The following DHX29 variants were observed in gnomAD, a reference collection of about 807,000 sequenced individuals.
DHX29 encodes the protein DExH-box helicase 29.
DHX29 carries 79 observed loss-of-function variants against 167.9 expected under a neutral mutation model. The observed-to-expected ratio is 0.47, with a 90% confidence interval of 0.39 to 0.57. The LOEUF (loss-of-function observed/expected upper bound fraction) is 0.57, where lower values mean the gene tolerates loss of function less well. Ranked by LOEUF, DHX29 falls within the 20% of genes least tolerant of loss-of-function variation. The pLI is 0.00. For synonymous variants in DHX29, 530 were observed against 546.0 expected, an observed-to-expected ratio of 0.97 and a Z score of 0.41; for missense variants, 1,347 against 1,593.4, an observed-to-expected ratio of 0.85 and a Z score of 2.63.
In DHX29 at chr5:55,294,115, T is replaced by C. The variant is rs761868783; in HGVS notation, c.682A>G (p.Asn228Asp). The C allele has an allele frequency of 5.6e-6, 9 of 1,598,400 alleles. No individual in the cohort carries two copies. The East Asian group carries it at 1.8e-4, about 32-fold the overall frequency. Residue 228 changes from asparagine (N) to aspartate (D), a missense_variant, in exon 6 of 27, where the codon AAT becomes GAT. Around this residue, in one of 3 missense-constraint regions of DHX29, gnomAD observed 405 missense variants for 416.8 expected, o/e 0.97. Transcript: ENST00000251636. ...TATCGTAAAATCCACTCTTTCATAT[T>C]TACTTCCATATTTTTTTCTTCCTTT... is the stretch of plus-strand genomic sequence containing the variant. ...PKKEEKNMEV[N>D]MKEWILRYAE...
intron 8 of DHX29, among the ~76,000 whole-genome samples, chr5:55,287,221 A>G (rs1747779323): frequency 6.6e-6 from 1 of 152,204 alleles, no homozygotes; most frequent in African/African-American, 2.4e-5. Context: ...TGGGTGGATC[A>G]CCTGAGGTCA....
At position 55,256,442 on chromosome 5, in the gene DHX29, G is replaced by A. The variant is rs770420860; in HGVS notation, c.*46C>T. On this transcript the variant is annotated 3_prime_UTR_variant, in exon 27 of 27. Transcript: ENST00000251636. ...CCCATTTTCAGATAATTTCATGACT[G>A]TATCTTCATCTTAATTTTTAAAGCA... 4.6e-6 allele frequency: 7 copies of A among 1,506,558 alleles called. No individual in the cohort carries two copies. The highest frequency in any genetic ancestry group is 1.4e-5 in the African/African-American group (1 of 70,382). 93.3% of individuals were successfully genotyped at this position (1,506,558 alleles called of 1,614,324 possible). A position where few individuals can be genotyped will look rare whatever the true frequency, so the allele number is the denominator to read the frequency against.
At chr5:55,257,179 A>G (rs1224610670) in intron 26 of DHX29, among the ~76,000 whole-genome samples, 1 of 152,218 alleles carries the variant, frequency 6.6e-6, no homozygotes, top group Non-Finnish European at 1.5e-5. Context: ...AACTGCTTCT[A>G]CTTAATAGTT....
rs1747156929 is a variant in DHX29 at position 55,277,194 on chromosome 5, A to G, written c.2198T>C (p.Met733Thr). 6.2e-7 allele frequency: 1 copy of G among 1,612,014 alleles called. No homozygotes were observed. The highest frequency in any genetic ancestry group is 8.5e-7 in the Non-Finnish European group (1 of 1,178,300). ...QKRSDLHLIL[M>T]SATVDSEKFS... ...TTTTTCGCTGTCCACAGTGGCACTC[A>G]TTAGAATCAAGTGTAGATCAGAACG... Residue 733 changes from methionine to threonine, a missense_variant, in exon 13 of 27, where the codon ATG becomes ACG. This residue lies in a region of DHX29 where 882 missense variants were observed against 1,082.4 expected (regional missense o/e 0.81). Coordinates refer to ENST00000251636, the MANE Select transcript of DHX29 (RefSeq NM_019030.4).
intron 5 of DHX29, 91 bp from the exon 6 acceptor site, chr5:55,294,236 A>C: frequency 7.9e-7 from 1 of 1,273,122 alleles, no homozygotes; most frequent in Non-Finnish European, 1.1e-6. Context: ...CCTCACACTC[A>C]AAAGCAGCAG....
rs759628164 is a variant in DHX29 at position 55,307,379 on chromosome 5, T to C, written c.187+8A>G. ...GCAGACAGCCAGGGGCTGGGGGACCTCTCGTACCTTGCTTGACACGGGGCT... is the reference window on the plus strand; with the variant it reads ...GCAGACAGCCAGGGGCTGGGGGACCCCTCGTACCTTGCTTGACACGGGGCT... On this transcript the variant is annotated splice_region_variant and intron_variant, in intron 1 of 26. Coordinates refer to ENST00000251636, the MANE Select transcript of DHX29 (RefSeq NM_019030.4). 1.5e-5 allele frequency: 24 copies of C among 1,611,314 alleles called. 1 individual carries two copies. In the South Asian group the frequency reaches 2.2e-4, roughly 15 times the overall value.
chr5:55,276,514 T>C (rs1183515620), intron 13 of DHX29, 108 bp from the exon 14 acceptor site: 2 of 896,266 alleles, frequency 2.2e-6, no homozygotes, highest in South Asian at 1.8e-5. Context: ...AATGTTAATT[T>C]AGAATATTAT....
intron 1 of DHX29, among the ~76,000 whole-genome samples, chr5:55,302,898 TTTTGTG>T (rs1196504456): frequency 6.6e-6 from 1 of 152,164 alleles, no homozygotes; most frequent in Non-Finnish European, 1.5e-5. Context: ...CAATTTTTGG[TTTTGTG>T]TTTAAGATGG....
At chr5:55,268,508 T>A (rs1040664736) in intron 21 of DHX29, among the ~76,000 whole-genome samples, 2 of 152,138 alleles carry the variant, frequency 1.3e-5, no homozygotes, top group Admixed American at 1.3e-4. Flanking sequence ...CACTGCCCCC[T>A]CCTACTCCGG....
At position 55,299,034 on chromosome 5, in the gene DHX29, C is replaced by T. The variant is rs866243672; in HGVS notation, c.188-370G>A. 1.2e-3 allele frequency among the ~76,000 whole-genome samples: 103 copies of T among 84,596 alleles called. No individual in the cohort carries two copies. In the Middle Eastern group the frequency reaches 0.025, roughly 20 times the overall value. 55.5% of individuals were successfully genotyped at this position (84,596 alleles called of 152,430 possible). A position where few individuals can be genotyped will look rare whatever the true frequency, so the allele number is the denominator to read the frequency against. On this transcript the variant is annotated intron_variant, in intron 1 of 26. Coordinates refer to ENST00000251636, the MANE Select transcript of DHX29 (RefSeq NM_019030.4). ...CCTGGGCGACAGAGCGAGACTCCGT[C>T]TCAAAAAAAAAAAAAAAAAAAAAAA...
intron 1 of DHX29, among the ~76,000 whole-genome samples, chr5:55,299,538 A>T (rs2111972140): frequency 6.6e-6 from 1 of 152,274 alleles, no homozygotes; most frequent in East Asian, 1.9e-4. Flanking sequence ...CTCCAAAATC[A>T]TGGTGTGAGC....
chr5:55,302,670 C>T (rs2111983019), intron 1 of DHX29, among the ~76,000 whole-genome samples: 1 of 151,872 alleles, frequency 6.6e-6, no homozygotes, highest in Admixed American at 6.6e-5. Flanking sequence ...TCATTTGTCT[C>T]CTCCAAACAT....
At chr5:55,271,936 G>A (rs1746871423) in intron 18 of DHX29, 151 bp downstream of exon 18, 1 of 452,306 alleles carries the variant, frequency 2.2e-6, no homozygotes, top group Non-Finnish European at 3.9e-6. Context: ...ATATTTTAAA[G>A]TTTCCTATAG....
intron 6 of DHX29, 139 bp downstream of exon 6, chr5:55,293,874 CTAAG>C (rs767715038): frequency 4.5e-5 from 35 of 779,872 alleles, no homozygotes; most frequent in Non-Finnish European, 6.4e-5. Flanking sequence ...AAGTTTTTGC[CTAAG>C]TGTTATTTTA....
chr5:55,283,286 T>G lies in DHX29; in HGVS notation c.1882A>C (p.Thr628Pro). ...ACTGCTGAGATTCTTCGGGGTTGGG[T>G]ACAGACAATGTTACATTTACTTGCT... ...WEASKCNIVC[T>P]QPRRISAVSL... Residue 628 changes from threonine (T) to proline (P), a missense_variant, in exon 11 of 27, where the codon ACC (threonine) becomes CCC (proline). By Grantham distance (38) the Thr-to-Pro change is conservative. This residue lies in a region of DHX29 where 882 missense variants were observed against 1,082.4 expected (regional missense o/e 0.81). Transcript: ENST00000251636. 4 of 1,614,124 alleles carry G rather than the reference T, an allele frequency of 2.5e-6. No homozygotes were observed. The highest frequency in any genetic ancestry group is 3.4e-6 in the Non-Finnish European group (4 of 1,179,966).
chr5:55,271,703 T>C (rs893032758), intron 18 of DHX29, among the ~76,000 whole-genome samples: 2 of 152,234 alleles, frequency 1.3e-5, no homozygotes, highest in Admixed American at 6.5e-5. Context: ...ATATGTTACA[T>C]TACTTGCTCA....
intron 14 of DHX29, among the ~76,000 whole-genome samples, chr5:55,275,817 C>T (rs913903101): frequency 1.3e-5 from 2 of 152,016 alleles, no homozygotes; most frequent in African/African-American, 4.8e-5. Flanking sequence ...CACTATCTAC[C>T]TATCACCATC....
chr5:55,270,405 A>G lies in DHX29; in HGVS notation c.3069+7T>C, dbSNP rs1235195220. 6.2e-7 allele frequency: 1 copy of G among 1,602,006 alleles called. No individual in the cohort carries two copies. Among genetic ancestry groups the G allele is most frequent in the African/African-American group, 1.3e-5 (1 of 74,504 alleles). On this transcript the variant is annotated splice_region_variant and intron_variant, in intron 20 of 26. Transcript: ENST00000251636. ...GACAAAATCCATCCGAGTTCCCTTG[A>G]GATTACCATAATATGAAGGCATAAT...
intron 20 of DHX29, among the ~76,000 whole-genome samples, 194 bp from the exon 21 acceptor site, chr5:55,269,831 G>T (rs1746765078): frequency 6.6e-6 from 1 of 151,830 alleles, no homozygotes; most frequent in African/African-American, 2.4e-5. Flanking sequence ...GAGTGTATGT[G>T]TGTGTTTGGG....
Sources: allele counts gnomAD v4.1 joint callset (sites outside exome capture counted in the v4.1 genomes callset), GRCh38; gene constraint gnomAD v4.1.1; regional missense constraint gnomAD v4.1.1; transcripts MANE v1.5; gene names NCBI Gene and HGNC (gene_info 2026-07-23, HGNC 2026-07-21).